Variants in CLPB observed in about 807,000 individuals in gnomAD.
CLPB encodes mitochondrial disaggregase.
A neutral mutation model predicts 78.4 loss-of-function variants in CLPB; 40 were observed. The ratio of observed to expected loss-of-function variants is 0.51; its 90% CI spans 0.40 to 0.66. The LOEUF (loss-of-function observed/expected upper bound fraction) is 0.66. CLPB is among the 30% of genes least tolerant of loss of function. The pLI, the probability that CLPB is intolerant of heterozygous loss-of-function variation, is 0.00. For missense variants in CLPB, 780 were observed against 886.9 expected (o/e 0.88, Z 1.53); for synonymous variants, 333 against 348.0 (o/e 0.96, Z 0.48).
intron 5 of CLPB, chr11:72,354,669 C>G (rs1950675678): frequency 3.8e-6 from 1 of 266,064 alleles, no homozygotes; most frequent in Non-Finnish European, 7.0e-6. Flanking sequence ...AAGCCATCAA[C>G]ACAGGCAAAA....
intron 6 of CLPB, among the ~76,000 whole-genome samples, chr11:72,329,029 C>T (rs1336650620): frequency 4.6e-5 from 7 of 152,176 alleles, no homozygotes; most frequent in African/African-American, 1.7e-4. Context: ...GTAAGATTTC[C>T]CATCACTGGA....
intron 5 of CLPB, among the ~76,000 whole-genome samples, chr11:72,357,482 A>G (rs886539161): frequency 6.6e-6 from 1 of 152,012 alleles, no homozygotes; most frequent in Non-Finnish European, 1.5e-5. Context: ...GGATCACCTG[A>G]GGTTGAGAGT....
intron 11 of CLPB, among the ~76,000 whole-genome samples, chr11:72,298,842 T>C (rs773071087): frequency 1.3e-4 from 20 of 152,346 alleles, no homozygotes; most frequent in Non-Finnish European, 2.1e-4. Context: ...TTGACTTCCC[T>C]GATAGGTCCC....
intron 8 of CLPB, among the ~76,000 whole-genome samples, 153 bp downstream of exon 8, chr11:72,308,374 G>A (rs1441648340): frequency 2.6e-5 from 4 of 152,148 alleles, no homozygotes; most frequent in East Asian, 3.9e-4. Flanking sequence ...CTCTTTCTTG[G>A]TGGCTCTGTA....
chr11:72,305,184 G>A (rs528442418), intron 9 of CLPB, among the ~76,000 whole-genome samples: 2 of 152,290 alleles, frequency 1.3e-5, no homozygotes, highest in Admixed American at 1.3e-4. Flanking sequence ...TGAGAACAAC[G>A]GTATCACAGT....
intron 3 of CLPB, among the ~76,000 whole-genome samples, chr11:72,386,448 C>G (rs1457506911): frequency 6.6e-6 from 1 of 152,196 alleles, no homozygotes; most frequent in Non-Finnish European, 1.5e-5. Context: ...GTTTTCTCTT[C>G]CTTGATAGTT....
At chr11:72,348,394 C>G (rs1328129173) in intron 5 of CLPB, among the ~76,000 whole-genome samples, 1 of 152,212 alleles carries the variant, frequency 6.6e-6, no homozygotes, top group Non-Finnish European at 1.5e-5. Context: ...ATCCTCCACA[C>G]CCATCTCCCT....
Position 72,317,151 on chromosome 11 carries a change from C to G in CLPB, c.943G>C (p.Glu315Gln). Residue 315 changes from glutamate (E) to glutamine (Q), a missense_variant, in exon 7 of 16, where the codon GAG (glutamate) becomes CAG (glutamine). Physicochemically the swap from Glu to Gln is conservative, Grantham distance 29. Transcript: ENST00000538039. Reference protein sequence around the residue: ...RRFPLEQRLKEHIIGQESAIA... With the variant: ...RRFPLEQRLKQHIIGQESAIA... ...GCGCTCTCCTGGCCAATGATGTGCT[C>G]CTTTAGTCGCTGCTCCAGGGGGAAG... 6.2e-7 allele frequency: 1 copy of G among 1,612,530 alleles called. No individual in the cohort carries two copies. The highest frequency in any genetic ancestry group is 2.2e-5 in the East Asian group (1 of 44,808).
chr11:72,320,720 T>C (rs1950028886), intron 6 of CLPB, among the ~76,000 whole-genome samples: 1 of 152,076 alleles, frequency 6.6e-6, no homozygotes, highest in African/African-American at 2.4e-5. Context: ...ATTTTATATA[T>C]ATATATTTTT....
intron 15 of CLPB, among the ~76,000 whole-genome samples, 176 bp from the exon 16 acceptor site, chr11:72,293,791 G>C (rs12793524): frequency 6.6e-6 from 1 of 152,046 alleles, no homozygotes; most frequent in East Asian, 1.9e-4. Context: ...TCAAGTTTCT[G>C]AGGCTCCCAG....
chr11:72,423,227 T>C (rs1247566209), intron 2 of CLPB, among the ~76,000 whole-genome samples: 1 of 152,178 alleles, frequency 6.6e-6, no homozygotes, highest in Non-Finnish European at 1.5e-5. Flanking sequence ...CTAAATGACA[T>C]TTCCATTGGC....
intron 9 of CLPB, among the ~76,000 whole-genome samples, 190 bp downstream of exon 9, chr11:72,307,009 G>A (rs1412330277): frequency 6.6e-6 from 1 of 152,220 alleles, no homozygotes; most frequent in Non-Finnish European, 1.5e-5. Flanking sequence ...GCACAAAGAG[G>A]TGGGATAACT....
intron 3 of CLPB, among the ~76,000 whole-genome samples, chr11:72,393,005 G>A (rs1369250493): frequency 6.6e-6 from 1 of 152,224 alleles, no homozygotes; most frequent in Non-Finnish European, 1.5e-5. Flanking sequence ...GAAGGAGTCT[G>A]TTTGAGATAG....
intron 2 of CLPB, among the ~76,000 whole-genome samples, chr11:72,403,350 C>A (rs1179827185): frequency 1.3e-5 from 2 of 152,180 alleles, no homozygotes; most frequent in African/African-American, 4.8e-5. Context: ...TCTTCCAAAC[C>A]CTTTGAGAAA....
chr11:72,416,346 G>C (rs914612389), intron 2 of CLPB, among the ~76,000 whole-genome samples: 2 of 152,094 alleles, frequency 1.3e-5, no homozygotes, highest in Admixed American at 1.3e-4. Flanking sequence ...TTACCAGACC[G>C]CAAGTTCCTT....
In CLPB at chr11:72,312,299, A is replaced by G. The variant is rs963531367; in HGVS notation, c.989-3695T>C. Among the ~76,000 whole-genome samples, 4 of 152,228 alleles carry G rather than the reference A, an allele frequency of 2.6e-5. No individual in the cohort carries two copies. Among genetic ancestry groups the G allele is most frequent in the African/African-American group, 9.7e-5 (4 of 41,446 alleles). ...CATAGCAGCAGCAATGGTAGTTACC[A>G]TTAGCTTTGGTATTTTACAGTAACT... On this transcript the variant is annotated intron_variant, in intron 7 of 15. Transcript: ENST00000538039. This position sits in a 1 kb window ranked among gnomAD's most constrained non-coding sequence, Gnocchi z 4.2.
At chr11:72,387,019 A>T (rs1855098444) in intron 3 of CLPB, among the ~76,000 whole-genome samples, 1 of 152,220 alleles carries the variant, frequency 6.6e-6, no homozygotes. Flanking sequence ...TCTGATAGAG[A>T]AGTAGTATGG....
chr11:72,335,667 G>A (rs1950307956), intron 5 of CLPB, among the ~76,000 whole-genome samples: 1 of 152,146 alleles, frequency 6.6e-6, no homozygotes, highest in African/African-American at 2.4e-5. Context: ...CCATCTTACT[G>A]CATTGGCCAC....
chr11:72,322,994 T>C (rs1369484368), intron 6 of CLPB, among the ~76,000 whole-genome samples: 1 of 152,166 alleles, frequency 6.6e-6, no homozygotes, highest in Non-Finnish European at 1.5e-5. Flanking sequence ...ACAGTAACCC[T>C]TGTAGTCTGA....
Sources: allele counts gnomAD v4.1 joint callset (sites outside exome capture counted in the v4.1 genomes callset), GRCh38; gene constraint gnomAD v4.1.1; non-coding constraint Gnocchi (gnomAD v3.1); transcripts MANE v1.5; gene names NCBI Gene and HGNC (gene_info 2026-07-23, HGNC 2026-07-21).